ARHGAP24: variants seen among roughly 807,000 people sequenced by gnomAD.
The protein encoded by ARHGAP24 is rho GTPase-activating protein 24.
A neutral mutation model predicts 76.4 loss-of-function variants in ARHGAP24; 50 were observed. The observed-to-expected ratio is 0.65, with a 90% CI of 0.52 to 0.83. The LOEUF is 0.83. ARHGAP24 is among the 40% of genes least tolerant of loss of function. ARHGAP24 has a pLI of 0.00. For missense variants in ARHGAP24, 930 were observed against 914.2 expected, an observed-to-expected ratio of 1.02 and a Z score of -0.22; for synonymous variants, 345 against 323.3, an observed-to-expected ratio of 1.07 and a Z score of -0.72.
At chr4:85,974,009 ATTTT>A (rs201491396) in intron 6 of ARHGAP24, among the ~76,000 whole-genome samples, 126 of 127,108 alleles carry the variant, frequency 9.9e-4, no homozygotes, top group South Asian at 2.8e-3. Flanking sequence ...AGCCTGGCTA[ATTTT>A]TTTTTTTTTT....
intron 8 of ARHGAP24, 100 bp from the exon 9 acceptor site, chr4:85,994,483 A>G (rs1235218709): frequency 1.7e-6 from 2 of 1,158,306 alleles, no homozygotes; most frequent in Non-Finnish European, 2.6e-6. Flanking sequence ...GATAATAATA[A>G]TGAATGTTCT....
intron 2 of ARHGAP24, among the ~76,000 whole-genome samples, chr4:85,612,669 A>C (rs1218347346): frequency 1.3e-5 from 2 of 152,018 alleles, no homozygotes; most frequent in African/African-American, 4.8e-5. Context: ...GAGGATACCC[A>C]TATACCCACC....
intron 1 of ARHGAP24, among the ~76,000 whole-genome samples, chr4:85,521,405 A>T (rs1724741590): frequency 3.5e-5 from 5 of 142,102 alleles, no homozygotes; most frequent in East Asian, 2.6e-4. Context: ...AGCCACTTGA[A>T]AAAGTAATAT....
intron 2 of ARHGAP24, among the ~76,000 whole-genome samples, chr4:85,711,446 T>C (rs900195374): frequency 3.9e-5 from 6 of 152,192 alleles, no homozygotes; most frequent in Admixed American, 3.9e-4. Flanking sequence ...TGCATATTAC[T>C]TTTATTTTTA....
intron 2 of ARHGAP24, among the ~76,000 whole-genome samples, chr4:85,590,739 T>G (rs1319010387): frequency 6.6e-6 from 1 of 152,150 alleles, no homozygotes; most frequent in Non-Finnish European, 1.5e-5. Context: ...AAGAACATAC[T>G]TTATAGTAAA....
chr4:85,515,622 A>G (rs1219819740), intron 1 of ARHGAP24, among the ~76,000 whole-genome samples: 1 of 151,794 alleles, frequency 6.6e-6, no homozygotes, highest in Non-Finnish European at 1.5e-5. Flanking sequence ...AACTCTTCCT[A>G]GTTCTTTCTT....
intron 2 of ARHGAP24, among the ~76,000 whole-genome samples, chr4:85,700,494 A>G (rs1724041633): frequency 6.6e-6 from 1 of 152,126 alleles, no homozygotes; most frequent in Admixed American, 6.6e-5. Flanking sequence ...GTCAAACGTA[A>G]CTTCAAGATT....
At chr4:85,787,254 C>T (rs568838093) in intron 3 of ARHGAP24, among the ~76,000 whole-genome samples, 2 of 152,290 alleles carry the variant, frequency 1.3e-5, no homozygotes, top group Admixed American at 6.5e-5. Flanking sequence ...CAGGCCTTTG[C>T]TCTCCATATA....
chr4:85,856,471 C>CTTT (rs3029091), intron 3 of ARHGAP24, among the ~76,000 whole-genome samples: 1,397 of 128,504 alleles, frequency 0.011, 34 homozygotes, highest in Middle Eastern at 0.038. Context: ...GGAAATTACT[C>CTTT]TTTTTTTTTT....
At chr4:85,826,659 A>C (rs1235390807) in intron 3 of ARHGAP24, among the ~76,000 whole-genome samples, 7 of 152,192 alleles carry the variant, frequency 4.6e-5, no homozygotes, top group Admixed American at 4.6e-4. Flanking sequence ...AGTACTGCAC[A>C]TATAGAAAGC....
intron 2 of ARHGAP24, among the ~76,000 whole-genome samples, chr4:85,600,637 C>T (rs945114783): frequency 6.6e-6 from 1 of 152,214 alleles, no homozygotes; most frequent in African/African-American, 2.4e-5. Flanking sequence ...TTAGATCACA[C>T]ATGGCAAAGT....
At chr4:85,971,640 G>T (rs1673880129) in intron 5 of ARHGAP24, among the ~76,000 whole-genome samples, 1 of 152,042 alleles carries the variant, frequency 6.6e-6, no homozygotes, top group African/African-American at 2.4e-5. Flanking sequence ...TACTGTTTTA[G>T]TTATTTTTAA....
At chr4:85,491,536 C>T (rs1466249894) in intron 1 of ARHGAP24, among the ~76,000 whole-genome samples, 2 of 151,170 alleles carry the variant, frequency 1.3e-5, no homozygotes, top group South Asian at 4.2e-4. Flanking sequence ...GTCTGTTTAA[C>T]ACACACACAC....
chr4:85,587,989 G>A (rs918973719), intron 2 of ARHGAP24, among the ~76,000 whole-genome samples: 63 of 152,168 alleles, frequency 4.1e-4, no homozygotes, highest in African/African-American at 1.4e-3. Flanking sequence ...GGAAGGGAAG[G>A]TCACATTTAA....
At chr4:85,835,795 C>T (rs1462917991) in intron 3 of ARHGAP24, among the ~76,000 whole-genome samples, 1 of 151,984 alleles carries the variant, frequency 6.6e-6, no homozygotes, top group Non-Finnish European at 1.5e-5. Context: ...AAGAGATTCT[C>T]CTGCCTCAGC....
At chr4:85,822,738 T>C (rs1729531606) in intron 3 of ARHGAP24, among the ~76,000 whole-genome samples, 1 of 152,372 alleles carries the variant, frequency 6.6e-6, no homozygotes, top group East Asian at 1.9e-4. Context: ...GAATGTATTA[T>C]GCTCTTTATA....
intron 1 of ARHGAP24, among the ~76,000 whole-genome samples, chr4:85,541,575 C>A (rs1175709843): frequency 6.6e-6 from 1 of 151,830 alleles, no homozygotes; most frequent in Non-Finnish European, 1.5e-5. Flanking sequence ...TGAAAATAAT[C>A]CATATTATTT....
At chr4:85,605,230 C>T (rs1720153985) in intron 2 of ARHGAP24, among the ~76,000 whole-genome samples, 1 of 152,044 alleles carries the variant, frequency 6.6e-6, no homozygotes, top group Non-Finnish European at 1.5e-5. Flanking sequence ...TGAGAGATGA[C>T]TTTTGTCTCT....
chr4:85,613,834 G>T (rs1054845456), intron 2 of ARHGAP24, among the ~76,000 whole-genome samples: 3 of 152,052 alleles, frequency 2.0e-5, no homozygotes, highest in Non-Finnish European at 2.9e-5. Context: ...GGAGCTTCAT[G>T]GTCACCACCT....
Sources: gnomAD v4.1 joint callset for allele counts (sites outside exome capture counted in the v4.1 genomes callset) on GRCh38, gnomAD v4.1.1 for gene constraint, MANE v1.5 for transcripts, NCBI Gene and HGNC (gene_info 2026-07-23, HGNC 2026-07-21) for gene names.